Variants in TRAPPC9 observed in about 807,000 individuals in gnomAD.
TRAPPC9 encodes the protein IKK2 binding protein.
TRAPPC9 carries 83 observed loss-of-function variants against 124.0 expected under a neutral mutation model. That is an observed-to-expected ratio of 0.67 (90% CI 0.56 to 0.80). TRAPPC9 has a LOEUF of 0.80. TRAPPC9 is among the 30% of genes least tolerant of loss of function. The pLI, the probability that TRAPPC9 is intolerant of heterozygous loss-of-function variation, is 0.00. For synonymous variants in TRAPPC9, 638 were observed against 617.5 expected (o/e 1.03, Z -0.49); for missense variants, 1,302 against 1,508.3 (o/e 0.86, Z 2.27).
chr8:140,456,988 TC>T (rs1469603967), intron 1 of TRAPPC9, among the ~76,000 whole-genome samples: 8 of 152,282 alleles, frequency 5.3e-5, no homozygotes, highest in African/African-American at 1.9e-4. Flanking sequence ...TGACTTCCTC[TC>T]CCCAGGGTTC....
At chr8:140,229,094 T>C (rs1363579759) in intron 16 of TRAPPC9, among the ~76,000 whole-genome samples, 1 of 151,950 alleles carries the variant, frequency 6.6e-6, no homozygotes, top group Non-Finnish European at 1.5e-5. Flanking sequence ...ACCAACACGT[T>C]CTCACTAGGG....
chr8:139,739,192 C>T (rs1586736087), intron 21 of TRAPPC9, among the ~76,000 whole-genome samples: 1 of 152,082 alleles, frequency 6.6e-6, no homozygotes, highest in Non-Finnish European at 1.5e-5. Context: ...AGTGGCTCCA[C>T]CACCGGCAGC....
intron 9 of TRAPPC9, among the ~76,000 whole-genome samples, chr8:140,352,028 GT>G (rs1213705963): frequency 6.6e-6 from 1 of 151,646 alleles, no homozygotes; most frequent in African/African-American, 2.4e-5. Context: ...CCCCCACAAA[GT>G]CCCCCATTCC....
chr8:139,789,522 G>A (rs927829862), intron 21 of TRAPPC9, among the ~76,000 whole-genome samples: 1 of 152,174 alleles, frequency 6.6e-6, no homozygotes, highest in African/African-American at 2.4e-5. Context: ...CTTTAACACA[G>A]GGAGGGGCGA....
chr8:140,110,348 TCCCTCCTGC>T (rs2060743911), intron 17 of TRAPPC9, among the ~76,000 whole-genome samples: 1 of 15,950 alleles, frequency 6.3e-5, no homozygotes, highest in East Asian at 4.6e-3. Context: ...CTGCAGCAGC[TCCCTCCTGC>T]AGCAGCTCCC....
intron 17 of TRAPPC9, among the ~76,000 whole-genome samples, chr8:140,160,721 T>C (rs1417931263): frequency 6.6e-6 from 1 of 151,870 alleles, no homozygotes; most frequent in Non-Finnish European, 1.5e-5. Flanking sequence ...GTGCAGCACA[T>C]CAACATGGCA....
At chr8:140,395,912 C>T (rs955254394) in intron 7 of TRAPPC9, among the ~76,000 whole-genome samples, 1 of 152,038 alleles carries the variant, frequency 6.6e-6, no homozygotes, top group African/African-American at 2.4e-5. Context: ...AACAGAGCAA[C>T]ACTCCATTCC....
intron 14 of TRAPPC9, among the ~76,000 whole-genome samples, chr8:140,279,391 G>A (rs1332393982): frequency 1.3e-5 from 2 of 152,160 alleles, no homozygotes; most frequent in Admixed American, 1.3e-4. Flanking sequence ...ATCAGTCACT[G>A]GAATGTTCAT....
intron 5 of TRAPPC9, among the ~76,000 whole-genome samples, chr8:140,416,740 A>C (rs1482867928): frequency 6.6e-6 from 1 of 152,202 alleles, no homozygotes; most frequent in Non-Finnish European, 1.5e-5. Context: ...TATGGAACCA[A>C]AAAAGAGCCC....
intron 5 of TRAPPC9, among the ~76,000 whole-genome samples, chr8:140,426,134 G>A (rs1055992624): frequency 5.3e-5 from 8 of 152,100 alleles, no homozygotes; most frequent in African/African-American, 1.4e-4. Flanking sequence ...AATAAAAGAG[G>A]TTTTTGCTGT....
At chr8:140,160,634 A>G (rs189668383) in intron 17 of TRAPPC9, among the ~76,000 whole-genome samples, 2,389 of 89,704 alleles carry the variant, frequency 0.027, 66 homozygotes, top group African/African-American at 0.095. Context: ...ATCACACACC[A>G]GGGCCTGTCG....
At chr8:139,844,231 G>A (rs1179449119) in intron 21 of TRAPPC9, among the ~76,000 whole-genome samples, 1 of 152,236 alleles carries the variant, frequency 6.6e-6, no homozygotes. Flanking sequence ...CTGGTACAGC[G>A]CCTCCCCAGC....
intron 17 of TRAPPC9, among the ~76,000 whole-genome samples, chr8:140,209,719 G>A (rs62529306): frequency 0.013 from 2,017 of 152,236 alleles, 20 homozygotes; most frequent in Non-Finnish European, 0.02. Context: ...CAATAGCCCC[G>A]GAGAAAGTAT....
intron 19 of TRAPPC9, among the ~76,000 whole-genome samples, chr8:139,956,339 T>A (rs555180314): frequency 7.9e-5 from 12 of 152,236 alleles, no homozygotes; most frequent in African/African-American, 2.4e-4. Flanking sequence ...TTTTTTGTAT[T>A]TTTAGTAGAG....
chr8:140,155,385 T>C (rs1469191519), intron 17 of TRAPPC9, among the ~76,000 whole-genome samples: 2 of 152,182 alleles, frequency 1.3e-5, no homozygotes, highest in African/African-American at 4.8e-5. Context: ...CCACTGGCTG[T>C]TACCAAGCAG....
intron 21 of TRAPPC9, among the ~76,000 whole-genome samples, chr8:139,885,286 C>T (rs564009400): frequency 6.6e-6 from 1 of 152,156 alleles, no homozygotes; most frequent in East Asian, 1.9e-4. Context: ...CCAGGTGCAA[C>T]AAGAAGAAGC....
intron 14 of TRAPPC9, among the ~76,000 whole-genome samples, chr8:140,283,573 CAT>C (rs1419041862): frequency 3.3e-5 from 5 of 151,764 alleles, no homozygotes; most frequent in Admixed American, 1.3e-4. Flanking sequence ...TGGGATTACA[CAT>C]GTGAGCCACC....
chr8:139,923,357 A>G (rs1832622154), intron 19 of TRAPPC9, among the ~76,000 whole-genome samples: 1 of 152,182 alleles, frequency 6.6e-6, no homozygotes, highest in Non-Finnish European at 1.5e-5. Context: ...CTCAGGTGAC[A>G]TGTAAAATGC....
chr8:140,169,880 GGT>G (rs1434421624), intron 17 of TRAPPC9, among the ~76,000 whole-genome samples: 3 of 152,032 alleles, frequency 2.0e-5, no homozygotes, highest in Admixed American at 1.3e-4. Flanking sequence ...TGGGACTACA[GGT>G]GTGCACCGCC....
Sources: gnomAD v4.1 joint callset for allele counts (sites outside exome capture counted in the v4.1 genomes callset) on GRCh38, gnomAD v4.1.1 for gene constraint, MANE v1.5 for transcripts, NCBI Gene and HGNC (gene_info 2026-07-23, HGNC 2026-07-21) for gene names.